The following COPG2 variants were observed in gnomAD, a reference collection of about 807,000 sequenced individuals.
COPG2 encodes the protein coat protein complex I subunit gamma 2.
COPG2 carries 37 observed loss-of-function variants against 46.3 expected under a neutral mutation model. That is an observed-to-expected ratio of 0.80 (90% CI 0.61 to 1.05). COPG2 has a LOEUF of 1.05. Among genes scored for constraint, COPG2 ranks in the 50% least tolerant of loss-of-function variants. COPG2 has a pLI of 0.00. For synonymous variants in COPG2, 159 were observed against 129.7 expected (o/e 1.23, Z -1.53); for missense variants, 427 against 387.8 (o/e 1.10, Z -0.85).
chr7:130,530,512 G>A (rs921650735), intron 20 of COPG2, among the ~76,000 whole-genome samples: 2 of 152,248 alleles, frequency 1.3e-5, no homozygotes, highest in Non-Finnish European at 2.9e-5. Flanking sequence ...GTGGGATAGA[G>A]AGAGGATGGA....
intron 14 of COPG2, among the ~76,000 whole-genome samples, chr7:130,552,979 G>A (rs1793556668): frequency 6.6e-6 from 1 of 152,144 alleles, no homozygotes; most frequent in African/African-American, 2.4e-5. Context: ...GATGCTATGT[G>A]AATACACAGA....
chr7:130,515,458 A>G (rs2116340911), intron 20 of COPG2, among the ~76,000 whole-genome samples: 1 of 152,314 alleles, frequency 6.6e-6, no homozygotes, highest in South Asian at 2.1e-4. Context: ...GTCACCTCCC[A>G]CTAGGCCCTA....
At chr7:130,570,654 C>A (rs148749307) in intron 9 of COPG2, among the ~76,000 whole-genome samples, 2 of 151,958 alleles carry the variant, frequency 1.3e-5, no homozygotes, top group East Asian at 3.8e-4. Flanking sequence ...TAATTCCCAT[C>A]AAAATACCAC....
intron 4 of COPG2, among the ~76,000 whole-genome samples, chr7:130,658,506 T>C (rs1429999779): frequency 6.6e-6 from 1 of 151,856 alleles, no homozygotes; most frequent in African/African-American, 2.4e-5. Flanking sequence ...CATAGAATGA[T>C]ACCCTAAAAA....
At chr7:130,639,635 A>G (rs1368317209) in intron 5 of COPG2, among the ~76,000 whole-genome samples, 1 of 152,238 alleles carries the variant, frequency 6.6e-6, no homozygotes, top group Non-Finnish European at 1.5e-5. Flanking sequence ...CAACCCAGTT[A>G]GTTTCAGATT....
rs574563465 is a variant in COPG2 at position 130,576,512 on chromosome 7, G to A, written c.738-12119C>T. Among the ~76,000 whole-genome samples the A allele has an allele frequency of 3.8e-4, 58 of 152,196 alleles. 1 individual carries two copies. Among genetic ancestry groups the A allele is most frequent in the Admixed American group, 1.3e-3 (20 of 15,280 alleles). On this transcript the variant is annotated intron_variant, in intron 9 of 23. Transcript: ENST00000425248. ...CAAGATGGAAATCAAAGAATTCTTC[G>A]AACTGAACAATAATGACACAACCTA...
At chr7:130,667,612 T>G in intron 1 of COPG2, 78 bp from the exon 2 acceptor site, 1 of 1,171,516 alleles carries the variant, frequency 8.5e-7, no homozygotes. Context: ...AGAAGGGTAC[T>G]GAATGCTTGG....
chr7:130,559,446 A>G (rs1400591053), intron 12 of COPG2, among the ~76,000 whole-genome samples: 3 of 152,222 alleles, frequency 2.0e-5, no homozygotes, highest in Non-Finnish European at 1.5e-5. Context: ...AGTACCCACA[A>G]ACACTGGAGC....
chr7:130,658,913 C>T (rs1427908911), intron 4 of COPG2, among the ~76,000 whole-genome samples: 2 of 152,024 alleles, frequency 1.3e-5, no homozygotes, highest in Admixed American at 1.3e-4. Context: ...AACTCCTGAC[C>T]TCATGATCTG....
intron 16 of COPG2, 65 bp from the exon 17 acceptor site, chr7:130,550,714 A>T: frequency 5.1e-6 from 2 of 389,168 alleles, no homozygotes; most frequent in Non-Finnish European, 9.1e-6. Context: ...AAATAGGCCC[A>T]GGTTTGTAAT....
chr7:130,586,741 C>T (rs782052384), intron 9 of COPG2, among the ~76,000 whole-genome samples: 7 of 151,850 alleles, frequency 4.6e-5, no homozygotes, highest in Non-Finnish European at 7.4e-5. Flanking sequence ...GGATTACAGG[C>T]GTGAGCCACC....
chr7:130,511,213 A>C (rs929588700), intron 20 of COPG2, among the ~76,000 whole-genome samples: 31 of 152,160 alleles, frequency 2.0e-4, no homozygotes, highest in Non-Finnish European at 1.2e-4. Flanking sequence ...AGACCATGAC[A>C]AAGTAAGAGA....
intron 9 of COPG2, among the ~76,000 whole-genome samples, chr7:130,600,063 A>G (rs1341638941): frequency 1.3e-5 from 2 of 152,212 alleles, no homozygotes; most frequent in African/African-American, 4.8e-5. Flanking sequence ...ACATTTTTAT[A>G]CTTGATTTCT....
chr7:130,640,158 C>CTTTTT (rs11431866), intron 5 of COPG2, among the ~76,000 whole-genome samples: 16 of 96,456 alleles, frequency 1.7e-4, no homozygotes, highest in South Asian at 4.5e-4. Flanking sequence ...CACCACCAAC[C>CTTTTT]TTTTTTTTTT....
At chr7:130,529,349 C>G (rs931400266) in intron 20 of COPG2, among the ~76,000 whole-genome samples, 1 of 151,828 alleles carries the variant, frequency 6.6e-6, no homozygotes, top group Non-Finnish European at 1.5e-5. Context: ...TGCAGTACAT[C>G]TTAACTAGAA....
chr7:130,529,059 T>G (rs1799800532), intron 20 of COPG2, among the ~76,000 whole-genome samples: 1 of 152,088 alleles, frequency 6.6e-6, no homozygotes, highest in Non-Finnish European at 1.5e-5. Context: ...TGATGAAATG[T>G]CAGGTGGATT....
intron 11 of COPG2, among the ~76,000 whole-genome samples, chr7:130,562,317 C>A (rs1793732919): frequency 6.6e-6 from 1 of 152,160 alleles, no homozygotes; most frequent in Non-Finnish European, 1.5e-5. Context: ...CAAGATCGTG[C>A]CACTGCACTC....
intron 12 of COPG2, among the ~76,000 whole-genome samples, chr7:130,557,379 C>T (rs1793643865): frequency 6.6e-6 from 1 of 152,108 alleles, no homozygotes; most frequent in Admixed American, 6.5e-5. Flanking sequence ...AAAAGACATC[C>T]TTGTTCTTAG....
chr7:130,576,804 AT>A (rs1288488544), intron 9 of COPG2, among the ~76,000 whole-genome samples: 1 of 152,182 alleles, frequency 6.6e-6, no homozygotes, highest in Non-Finnish European at 1.5e-5. Flanking sequence ...AAACAAAAAA[AT>A]ACCAAAGGTA....
Sources: gnomAD v4.1 joint callset for allele counts (sites outside exome capture counted in the v4.1 genomes callset) on GRCh38, gnomAD v4.1.1 for gene constraint, MANE v1.5 for transcripts, NCBI Gene and HGNC (gene_info 2026-07-23, HGNC 2026-07-21) for gene names.